The following FLRT3 variants were observed in gnomAD, a reference collection of about 807,000 sequenced individuals.
FLRT3 encodes the protein leucine-rich repeat transmembrane protein FLRT3.
A neutral mutation model predicts 42.6 loss-of-function variants in FLRT3; 17 were observed. The observed-to-expected ratio is 0.40, with a 90% CI of 0.27 to 0.60. The LOEUF is 0.60. Ranked by LOEUF, FLRT3 falls within the 20% of genes least tolerant of loss-of-function variation. FLRT3 has a pLI of 0.44. For synonymous variants in FLRT3, 279 were observed against 286.4 expected (o/e 0.97, Z 0.26); for missense variants, 635 against 789.2 (o/e 0.80, Z 2.34).
rs2082740877 is a variant in FLRT3, at chr20:14,326,683, C to T, written c.824G>A (p.Arg275Gln). 13 of 1,613,708 alleles carry T rather than the reference C, an allele frequency of 8.1e-6. No individual in the cohort carries two copies. The highest frequency in any genetic ancestry group is 4.5e-5 in the East Asian group (2 of 44,856). The change falls in exon 3 of 3, where the codon CGA becomes CAA. Residue 275 changes from arginine to glutamine, a missense_variant. Arg to Gln is a conservative substitution (Grantham distance 43). Coordinates refer to ENST00000341420, the MANE Select transcript of FLRT3 (RefSeq NM_198391.3). This position sits in a 1 kb window ranked among gnomAD's most constrained non-coding sequence, Gnocchi z 5.5. ...TAGGTTATTATTGGACATATCCAGTCGATAGAGCTGCCTTAGATAAGAAAA... is the reference window on the plus strand; with the variant it reads ...TAGGTTATTATTGGACATATCCAGTTGATAGAGCTGCCTTAGATAAGAAAA... ...NAFSYLRQLY[R>Q]LDMSNNNLSN...
Position 14,324,290 on chromosome 20 carries a change from G to A in FLRT3, c.*1267C>T, listed in dbSNP as rs2082700090. 1 of 150,136 alleles carries A rather than the reference G, an allele frequency of 6.7e-6. No homozygotes were observed. The allele number at this position is 150,136 out of a possible 1,614,324, so 9.3% of individuals were successfully genotyped here. A position where few individuals can be genotyped will look rare whatever the true frequency, so the allele number is the denominator to read the frequency against. ...GTACAATGCACTTTGGTTTTTTGTT[G>A]AAAAAAAAAAAATCATGGCAACAGA... is the stretch of plus-strand genomic sequence containing the variant. On this transcript the variant is annotated 3_prime_UTR_variant, in exon 3 of 3. Coordinates refer to ENST00000341420, the MANE Select transcript of FLRT3 (RefSeq NM_198391.3).
intron 1 of FLRT3, among the ~76,000 whole-genome samples, chr20:14,330,624 A>G (rs2082818477): frequency 6.6e-6 from 1 of 152,110 alleles, no homozygotes; most frequent in African/African-American, 2.4e-5. Context: ...ACAATTACAG[A>G]TACATATAAT....
intron 1 of FLRT3, among the ~76,000 whole-genome samples, 180 bp from the exon 2 acceptor site, chr20:14,329,507 A>G (rs1253102352): frequency 1.3e-5 from 2 of 152,122 alleles, no homozygotes; most frequent in Admixed American, 6.6e-5. Flanking sequence ...CAAATAAAGT[A>G]GGAGCCAAAG....
In FLRT3 at chr20:14,324,384, T is replaced by C. The variant is rs972093770; in HGVS notation, c.*1173A>G. The C allele has an allele frequency of 1.3e-5, 2 of 152,562 alleles. No homozygotes were observed. Among genetic ancestry groups the C allele is most frequent in the African/African-American group, 4.8e-5 (2 of 41,440 alleles). 9.5% of individuals were successfully genotyped at this position (152,562 alleles called of 1,614,324 possible). On this transcript the variant is annotated 3_prime_UTR_variant, in exon 3 of 3. Transcript: ENST00000341420. ...AGGAAGCTAGAAGGAAATGTTACAT[T>C]ACGAGTTCATTATATAATATCTGGA... is the stretch of plus-strand genomic sequence containing the variant.
rs6042672 is a variant in FLRT3 at position 14,326,250 on chromosome 20, G to A, written c.1257C>T (p.Thr419=). 440,477 of 1,613,644 alleles carry A rather than the reference G, an allele frequency of 0.27. 62,728 individuals carry two copies. The highest frequency in any genetic ancestry group is 0.43 in the African/African-American group (32,445 of 74,926). Residue 419 remains threonine (T), a synonymous_variant, in exon 3 of 3, where the codon ACC becomes ACT. Transcript: ENST00000341420. This position sits in a 1 kb window ranked among gnomAD's most constrained non-coding sequence, Gnocchi z 5.5. ...KTITITVKSV[T]SDTIHISWKL... is the part of the protein sequence containing the mutation. The stretch of plus-strand genomic sequence containing the variant: ...TCCAAGAGATATGAATGGTATCAGA[G>A]GTGACAGACTTCACAGTAATTGTAA...
intron 2 of FLRT3, among the ~76,000 whole-genome samples, 164 bp from the exon 3 acceptor site, chr20:14,327,722 A>T (rs1383668102): frequency 1.3e-5 from 2 of 152,172 alleles, no homozygotes; most frequent in Admixed American, 1.3e-4. Context: ...AACAATAGAC[A>T]CTGTCATATA....
chr20:14,332,966 A>C (rs1483773883), intron 1 of FLRT3, among the ~76,000 whole-genome samples: 2 of 152,132 alleles, frequency 1.3e-5, no homozygotes, highest in Non-Finnish European at 1.5e-5. Context: ...ACTGGAGTAC[A>C]TCAGGTTAGT....
At chr20:14,333,574 AG>A in intron 1 of FLRT3, among the ~76,000 whole-genome samples, 1 of 152,298 alleles carries the variant, frequency 6.6e-6, no homozygotes, top group African/African-American at 2.4e-5. Flanking sequence ...TGCAATTAAA[AG>A]TTTGCCTACT....
At chr20:14,335,647 C>T (rs766304175) in intron 1 of FLRT3, among the ~76,000 whole-genome samples, 19 of 151,926 alleles carry the variant, frequency 1.3e-4, no homozygotes, top group Admixed American at 6.6e-4. Context: ...TGGGGTGCAG[C>T]GAAATGAAAA....
rs1378866988 is a variant in FLRT3, at chr20:14,324,655, A to T, written c.*902T>A. On this transcript the variant is annotated 3_prime_UTR_variant, in exon 3 of 3. Coordinates refer to ENST00000341420, the MANE Select transcript of FLRT3 (RefSeq NM_198391.3). ...CATCCTTTATGATAAAAACATCATA[A>T]ACACTAACAATTTTGTGTTTATAAT... The T allele has an allele frequency of 6.6e-6, 1 of 152,134 alleles. No individual in the cohort carries two copies. Among genetic ancestry groups the T allele is most frequent in the Non-Finnish European group, 1.5e-5 (1 of 68,012 alleles). 9.4% of individuals were successfully genotyped at this position (152,134 alleles called of 1,614,324 possible).
At position 14,325,463 on chromosome 20, in the gene FLRT3, TTTTCCAGTG is replaced by T. The variant is rs1271966995; in HGVS notation, c.*85_*93del. The T allele has an allele frequency of 7.6e-7, 1 of 1,321,454 alleles. No individual in the cohort carries two copies. Among genetic ancestry groups the T allele is most frequent in the African/African-American group, 1.5e-5 (1 of 67,800 alleles). The allele number at this position is 1,321,454 out of a possible 1,614,324, so 81.9% of individuals were successfully genotyped here. A position where few individuals can be genotyped will look rare whatever the true frequency, so the allele number is the denominator to read the frequency against. On this transcript the variant is annotated 3_prime_UTR_variant, in exon 3 of 3. Transcript: ENST00000341420. ...AGTACATTGCTTTTTTTCAGTCTCT[TTTTCCAGTG>T]TTTTGCAGTAGAACAGGGTTCCTAC... is the stretch of plus-strand genomic sequence containing the variant.
rs565543382 is a variant in FLRT3, at chr20:14,332,382, A to G, written c.-246-3055T>C. On this transcript the variant is annotated intron_variant, in intron 1 of 2. Coordinates refer to ENST00000341420, the MANE Select transcript of FLRT3 (RefSeq NM_198391.3). ...AAATCAAGAGCTTGCGGCAATCTAC[A>G]TGTTTATGTGATTTCTTCCCTGCTA... 3.9e-5 allele frequency among the ~76,000 whole-genome samples: 6 copies of G among 152,196 alleles called. No individual in the cohort carries two copies. In the East Asian group the frequency reaches 7.7e-4, roughly 20 times the overall value.
rs781204938 is a variant in FLRT3, at chr20:14,326,221, A to G, written c.1286T>C (p.Leu429Pro). 3.1e-6 allele frequency: 5 copies of G among 1,613,830 alleles called. No individual in the cohort carries two copies. In the African/African-American group the frequency reaches 5.3e-5, roughly 17 times the overall value. The change falls in exon 3 of 3, where the codon CTT becomes CCT. Residue 429 changes from leucine (L) to proline (P), a missense_variant. Leu to Pro is a moderately conservative substitution (Grantham distance 98). Coordinates refer to ENST00000341420, the MANE Select transcript of FLRT3 (RefSeq NM_198391.3). This position sits in a 1 kb window ranked among gnomAD's most constrained non-coding sequence, Gnocchi z 5.5. ...TSDTIHISWKLALPMTALRLS... is the reference protein window; with the variant it reads ...TSDTIHISWKPALPMTALRLS... ...TCTCAAAGCAGTCATAGGTAGAGCA[A>G]GTTTCCAAGAGATATGAATGGTATC...
chr20:14,333,636 T>A (rs2082883013), intron 1 of FLRT3, among the ~76,000 whole-genome samples: 1 of 152,188 alleles, frequency 6.6e-6, no homozygotes, highest in Non-Finnish European at 1.5e-5. Flanking sequence ...TTTTTAACAG[T>A]GTGGGTACAA....
In FLRT3 at chr20:14,326,571, C is replaced by G. The variant is rs1459880498; in HGVS notation, c.936G>C (p.Lys312Asn). ...LRNNPWYCGCKMKWVRDWLQS... is the reference protein window; with the variant it reads ...LRNNPWYCGCNMKWVRDWLQS... ...GTAACCAGTCACGTACCCATTTCAT[C>G]TTGCACCCGCAATACCAGGGATTGT... The change falls in exon 3 of 3, where the codon AAG becomes AAC. Residue 312 changes from lysine (K) to asparagine (N), a missense_variant. Physicochemically the swap from Lys to Asn is moderately conservative, Grantham distance 94 (BLOSUM62 0). Transcript: ENST00000341420. The surrounding 1 kb of genome is among the most constrained non-coding windows in gnomAD (Gnocchi z 5.5). The G allele has an allele frequency of 6.2e-7, 1 of 1,613,910 alleles. No individual in the cohort carries two copies. Among genetic ancestry groups the G allele is most frequent in the African/African-American group, 1.3e-5 (1 of 75,022 alleles).
Position 14,329,229 on chromosome 20 carries a change from A to G in FLRT3, c.-148T>C, listed in dbSNP as rs2082790859. On this transcript the variant is annotated 5_prime_UTR_variant, in exon 2 of 3. Transcript: ENST00000341420. ...ATACAAGAACAGGTATTCTCTTTTA[A>G]GAAGTAAAGGAAACTAAATTCTTCA... 1 of 152,110 alleles carries G rather than the reference A, an allele frequency of 6.6e-6. No homozygotes were observed. Among genetic ancestry groups the G allele is most frequent in the Admixed American group, 6.6e-5 (1 of 15,228 alleles). 9.4% of individuals were successfully genotyped at this position (152,110 alleles called of 1,614,324 possible). A position where few individuals can be genotyped will look rare whatever the true frequency, so the allele number is the denominator to read the frequency against.
In FLRT3 at chr20:14,331,152, T is replaced by C. The variant is rs571802896; in HGVS notation, c.-246-1825A>G. 2.2e-4 allele frequency among the ~76,000 whole-genome samples: 33 copies of C among 152,228 alleles called. 1 individual carries two copies. In the East Asian group the frequency reaches 6.0e-3, roughly 28 times the overall value. On this transcript the variant is annotated intron_variant, in intron 1 of 2. Transcript: ENST00000341420. The stretch of plus-strand genomic sequence containing the variant: ...GGGGATTTAAAAACTGATTGTCCCC[T>C]GAGTCAGGTCAGACCACAGTGTGTC...
At position 14,326,125 on chromosome 20, in the gene FLRT3, C is replaced by T. The variant is rs147588771; in HGVS notation, c.1382G>A (p.Arg461His). Reference protein sequence around the residue: ...SITETIVTGERSEYLVTALEP... With the variant: ...SITETIVTGEHSEYLVTALEP... ...CAGGGCTGTGACCAAGTACTCACTG[C>T]GTTCCCCTGTTACAATTGTTTCTGT... Residue 461 changes from arginine to histidine, a missense_variant, in exon 3 of 3, where the codon CGC (arginine) becomes CAC (histidine). Coordinates refer to ENST00000341420, the MANE Select transcript of FLRT3 (RefSeq NM_198391.3). The surrounding 1 kb of genome is among the most constrained non-coding windows in gnomAD (Gnocchi z 5.5). 4.6e-5 allele frequency: 75 copies of T among 1,613,704 alleles called. No homozygotes were observed. The highest frequency in any genetic ancestry group is 6.7e-5 in the African/African-American group (5 of 74,908).
chr20:14,334,050 T>C (rs1225604712), intron 1 of FLRT3, among the ~76,000 whole-genome samples: 1 of 152,220 alleles, frequency 6.6e-6, no homozygotes, highest in Admixed American at 6.5e-5. Context: ...GAAAGCTTTT[T>C]ATACATCCCT....
Sources: allele counts gnomAD v4.1 joint callset (sites outside exome capture counted in the v4.1 genomes callset), GRCh38; gene constraint gnomAD v4.1.1; non-coding constraint Gnocchi (gnomAD v3.1); transcripts MANE v1.5; gene names NCBI Gene and HGNC (gene_info 2026-07-23, HGNC 2026-07-21).